The following RAB6B variants were observed in gnomAD, a reference collection of about 807,000 sequenced individuals.
RAB6B encodes the protein RAB6B, member RAS oncogene family.
Under a neutral mutation model 31.2 loss-of-function variants are expected in RAB6B, and 7 were observed. The observed-to-expected ratio is 0.22, with a 90% CI of 0.13 to 0.42. RAB6B has a LOEUF of 0.42. Among genes scored for constraint, RAB6B ranks in the 10% least tolerant of loss-of-function variants. RAB6B has a pLI of 1.00. For synonymous variants in RAB6B, 105 were observed against 104.9 expected (o/e 1.00, Z -0.01); for missense variants, 149 against 280.6 (o/e 0.53, Z 3.35).
rs1027081812 is a variant in RAB6B, at chr3:133,828,513, AT to A, written c.*274del. ...AAAAAATTGTATACACATGATTTAA[AT>A]TTTTTTTAAATTTTAACAGTTTTTG... On this transcript the variant is annotated 3_prime_UTR_variant, in exon 8 of 8. Transcript: ENST00000285208. 3.3e-5 allele frequency: 16 copies of A among 478,798 alleles called. 2 individuals are homozygous for A. In the South Asian group the frequency reaches 4.4e-4, roughly 13 times the overall value. 29.7% of individuals were successfully genotyped at this position (478,798 alleles called of 1,614,324 possible).
chr3:133,828,372 T>C lies in RAB6B; in HGVS notation c.*416A>G, dbSNP rs2293375. 79,945 of 348,800 alleles carry C rather than the reference T, an allele frequency of 0.23. 10,429 individuals are homozygous for C. Among genetic ancestry groups the C allele is most frequent in the East Asian group, 0.43 (6,301 of 14,488 alleles). The allele number at this position is 348,800 out of a possible 1,614,324, so 21.6% of individuals were successfully genotyped here. ...ATAGGAGGAAGGCAGAGGTGATGAATGGTTCAAAGAGAACAGGAAGGAGGA... is the reference window on the plus strand; with the variant it reads ...ATAGGAGGAAGGCAGAGGTGATGAACGGTTCAAAGAGAACAGGAAGGAGGA... On this transcript the variant is annotated 3_prime_UTR_variant, in exon 8 of 8. Transcript: ENST00000285208.
chr3:133,871,714 G>A (rs541947558), intron 1 of RAB6B, among the ~76,000 whole-genome samples: 3 of 152,260 alleles, frequency 2.0e-5, no homozygotes, highest in Admixed American at 2.0e-4. Context: ...AAACTGGGGA[G>A]AGCAGGGGGC....
intron 7 of RAB6B, among the ~76,000 whole-genome samples, chr3:133,832,457 T>A (rs1422485968): frequency 1.3e-5 from 2 of 152,058 alleles, no homozygotes; most frequent in Non-Finnish European, 2.9e-5. Flanking sequence ...GCTGAGCAAG[T>A]GAGGCCAGGT....
At chr3:133,866,436 G>A (rs574296516) in intron 1 of RAB6B, among the ~76,000 whole-genome samples, 45 of 152,244 alleles carry the variant, frequency 3.0e-4, no homozygotes, top group African/African-American at 1.0e-3. Flanking sequence ...GTTGGAGAAC[G>A]CTGACCACCA....
chr3:133,863,605 CGA>C (rs1023375974), intron 2 of RAB6B, among the ~76,000 whole-genome samples: 1 of 152,102 alleles, frequency 6.6e-6, no homozygotes, highest in Non-Finnish European at 1.5e-5. Context: ...AGTCAGGCTC[CGA>C]GAAGCCCTGC....
chr3:133,880,844 C>T lies in RAB6B; in HGVS notation c.70+14553G>A, dbSNP rs573276564. On this transcript the variant is annotated intron_variant, in intron 1 of 7. Transcript: ENST00000285208. ...CAACAGAAAGAACTCTCCTCCTGCCCCCAGAAGGACTCAATGTCACCTGCT... is the reference window on the plus strand; with the variant it reads ...CAACAGAAAGAACTCTCCTCCTGCCTCCAGAAGGACTCAATGTCACCTGCT... Among the ~76,000 whole-genome samples the T allele has an allele frequency of 1.7e-3, 259 of 152,320 alleles. 1 individual carries two copies. The highest frequency in any genetic ancestry group is 0.01 in the South Asian group (49 of 4,820).
chr3:133,849,547 G>A (rs1935950097), intron 2 of RAB6B, among the ~76,000 whole-genome samples: 1 of 152,214 alleles, frequency 6.6e-6, no homozygotes, highest in Non-Finnish European at 1.5e-5. Context: ...ATGAGAAGGT[G>A]CTATTCACAG....
At chr3:133,878,272 T>A (rs1205587268) in intron 1 of RAB6B, among the ~76,000 whole-genome samples, 2 of 151,584 alleles carry the variant, frequency 1.3e-5, no homozygotes, top group Non-Finnish European at 2.9e-5. Flanking sequence ...ACAAAAAAAA[T>A]CATAAAAGTA....
chr3:133,866,167 C>G (rs1342141809), intron 1 of RAB6B, among the ~76,000 whole-genome samples: 1 of 152,192 alleles, frequency 6.6e-6, no homozygotes, highest in Non-Finnish European at 1.5e-5. Flanking sequence ...CAGCAGGTAA[C>G]TGAGCAAGGT....
intron 1 of RAB6B, among the ~76,000 whole-genome samples, chr3:133,881,125 C>G (rs909908281): frequency 3.3e-5 from 5 of 152,164 alleles, no homozygotes; most frequent in African/African-American, 1.2e-4. Context: ...CACATATCCC[C>G]CACTGGACTT....
intron 4 of RAB6B, 96 bp downstream of exon 4, chr3:133,841,189 C>G: frequency 9.5e-7 from 1 of 1,052,624 alleles, no homozygotes; most frequent in Non-Finnish European, 1.5e-6. Flanking sequence ...CACACACATG[C>G]GTGTGCACAC....
chr3:133,836,046 C>G (rs1039648551), intron 6 of RAB6B, among the ~76,000 whole-genome samples: 3 of 152,332 alleles, frequency 2.0e-5, no homozygotes, highest in South Asian at 4.1e-4. Context: ...CTCATACCCT[C>G]CACTGCATGA....
At chr3:133,831,883 A>G (rs983382144) in intron 7 of RAB6B, among the ~76,000 whole-genome samples, 1 of 152,096 alleles carries the variant, frequency 6.6e-6, no homozygotes, top group African/African-American at 2.4e-5. Flanking sequence ...CTACTGCTGG[A>G]TATGCTTCCC....
Position 133,828,739 on chromosome 3 carries a change from C to G in RAB6B, c.*49G>C. The G allele has an allele frequency of 6.5e-7, 1 of 1,539,882 alleles. No individual in the cohort carries two copies. Among genetic ancestry groups the G allele is most frequent in the Non-Finnish European group, 9.0e-7 (1 of 1,114,828 alleles). ...CCTTAGGAAGCTAGCCAATAGGAAGCAACACAACAAGCAAGGAGTGTCATG... is the reference window on the plus strand; with the variant it reads ...CCTTAGGAAGCTAGCCAATAGGAAGGAACACAACAAGCAAGGAGTGTCATG... On this transcript the variant is annotated 3_prime_UTR_variant, in exon 8 of 8. Transcript: ENST00000285208.
intron 1 of RAB6B, among the ~76,000 whole-genome samples, chr3:133,887,711 A>T (rs1936569641): frequency 6.6e-6 from 1 of 152,172 alleles, no homozygotes; most frequent in African/African-American, 2.4e-5. Context: ...GAATAGAATC[A>T]GGGTCTTCAG....
chr3:133,864,193 GGTCCCAGCA>G (rs1936203516), intron 2 of RAB6B, among the ~76,000 whole-genome samples: 1 of 150,516 alleles, frequency 6.6e-6, no homozygotes, highest in African/African-American at 2.5e-5. Flanking sequence ...AGAGAGAGAA[GGTCCCAGCA>G]AACATAACCA....
intron 1 of RAB6B, among the ~76,000 whole-genome samples, chr3:133,889,542 C>G (rs1377528928): frequency 6.6e-6 from 1 of 151,170 alleles, no homozygotes; most frequent in Non-Finnish European, 1.5e-5. Flanking sequence ...TCAAGCGATT[C>G]TCCTGCCTCA....
chr3:133,864,952 T>A (rs1936215366), intron 1 of RAB6B, among the ~76,000 whole-genome samples: 1 of 152,228 alleles, frequency 6.6e-6, no homozygotes, highest in South Asian at 2.1e-4. Flanking sequence ...ACCCAGCTGA[T>A]GCAAGAACCA....
rs529786333 is a variant in RAB6B, at chr3:133,844,959, A to T, written c.130-3296T>A. Among the ~76,000 whole-genome samples the T allele has an allele frequency of 2.6e-5, 4 of 151,134 alleles. No individual in the cohort carries two copies. The South Asian group carries it at 8.4e-4, about 32-fold the overall frequency. On this transcript the variant is annotated intron_variant, in intron 2 of 7. Transcript: ENST00000285208. ...CCCTGGCTCAAAAGAAAAAAAAAAA[A>T]GTAGGTAGGAGTTACAACCGCTCAA...
Sources: allele counts gnomAD v4.1 joint callset (sites outside exome capture counted in the v4.1 genomes callset), GRCh38; gene constraint gnomAD v4.1.1; transcripts MANE v1.5; gene names NCBI Gene and HGNC (gene_info 2026-07-23, HGNC 2026-07-21).